The following CDH12 variants were observed in gnomAD, a reference collection of about 807,000 sequenced individuals.
CDH12 encodes the protein cadherin-12.
Under a neutral mutation model 74.1 loss-of-function variants are expected in CDH12, and 41 were observed. The ratio of observed to expected loss-of-function variants is 0.55; its 90% CI spans 0.43 to 0.72. The LOEUF is 0.72. Among genes scored for constraint, CDH12 ranks in the 30% least tolerant of loss-of-function variants. CDH12 has a pLI of 0.00. For missense variants in CDH12, 945 were observed against 977.2 expected (o/e 0.97, Z 0.44); for synonymous variants, 399 against 355.0 (o/e 1.12, Z -1.39).
At position 21,921,847 on chromosome 5, in the gene CDH12, A is replaced by G. The variant is rs190924932; in HGVS notation, c.526+53244T>C. ...ACTGTTCAAAACGTTTTTCTGTGTT[A>G]AACTGCTGGCCTTCCCCTCCTTTGT... On this transcript the variant is annotated intron_variant, in intron 6 of 14. Transcript: ENST00000382254. Among the ~76,000 whole-genome samples the G allele has an allele frequency of 2.0e-5, 3 of 152,312 alleles. No individual in the cohort carries two copies. The East Asian group carries it at 5.8e-4, about 29-fold the overall frequency.
chr5:22,685,672 T>C (rs986871738), intron 1 of CDH12, among the ~76,000 whole-genome samples: 2 of 152,236 alleles, frequency 1.3e-5, no homozygotes, highest in Non-Finnish European at 1.5e-5. Flanking sequence ...CTTTTCTGGC[T>C]GGTTTATTTC....
chr5:22,364,587 A>T (rs1740954376), intron 3 of CDH12, among the ~76,000 whole-genome samples: 1 of 152,166 alleles, frequency 6.6e-6, no homozygotes, highest in South Asian at 2.1e-4. Context: ...AATGGGGTGG[A>T]TCAAAGTATG....
At chr5:21,769,150 T>G (rs1004575032) in intron 11 of CDH12, among the ~76,000 whole-genome samples, 10 of 152,064 alleles carry the variant, frequency 6.6e-5, no homozygotes, top group Admixed American at 6.6e-4. Context: ...GAGAAACTAA[T>G]ATCACGGTAA....
chr5:22,214,342 G>A (rs1467333870), intron 3 of CDH12, among the ~76,000 whole-genome samples: 1 of 152,116 alleles, frequency 6.6e-6, no homozygotes, highest in Non-Finnish European at 1.5e-5. Context: ...TCAGGAGAGG[G>A]AGAACAATTT....
intron 3 of CDH12, among the ~76,000 whole-genome samples, chr5:22,293,017 ACCCACATCCATTCCCAATCTGTAG>A: frequency 3.2e-5 from 2 of 62,224 alleles, no homozygotes; most frequent in Non-Finnish European, 8.9e-5. Context: ...CCAATCTGTA[ACCCACATCCATTCCCAATCTGTAG>A]TCCACATCCA....
At chr5:21,807,747 C>A (rs1747514656) in intron 9 of CDH12, among the ~76,000 whole-genome samples, 1 of 152,008 alleles carries the variant, frequency 6.6e-6, no homozygotes, top group African/African-American at 2.4e-5. Context: ...CCCCAATGAC[C>A]TATACTCTGT....
At chr5:22,784,673 T>G (rs939808155) in intron 1 of CDH12, among the ~76,000 whole-genome samples, 1 of 152,192 alleles carries the variant, frequency 6.6e-6, no homozygotes, top group African/African-American at 2.4e-5. Flanking sequence ...CTAGACCCAA[T>G]ACAGCCTGGT....
intron 9 of CDH12, among the ~76,000 whole-genome samples, chr5:21,810,780 C>T (rs1183795264): frequency 9.2e-5 from 14 of 151,940 alleles, no homozygotes; most frequent in Admixed American, 4.6e-4. Context: ...GGTACATTAG[C>T]GTGGCTAAAA....
chr5:22,069,316 C>T (rs1741782033), intron 5 of CDH12, among the ~76,000 whole-genome samples: 1 of 152,056 alleles, frequency 6.6e-6, no homozygotes, highest in Non-Finnish European at 1.5e-5. Context: ...AGTTACAGTG[C>T]TAGATAGGTG....
At chr5:22,821,914 G>A (rs1280405170) in intron 1 of CDH12, among the ~76,000 whole-genome samples, 2 of 151,324 alleles carry the variant, frequency 1.3e-5, no homozygotes, top group African/African-American at 4.9e-5. Flanking sequence ...AAAAGAGCCT[G>A]CATTGCCAAG....
rs115202718 is a variant in CDH12, at chr5:22,393,586, C to T, written c.-333+11671G>A. 6.0e-3 allele frequency among the ~76,000 whole-genome samples: 907 copies of T among 151,434 alleles called. 14 individuals carry two copies. Among genetic ancestry groups the T allele is most frequent in the African/African-American group, 0.021 (869 of 41,008 alleles). Reference sequence around the variant, plus strand: ...AAAATGTGGCTTTGAAATTTGGTAACGGTTAAAGACTGGAAGAATTTGGAG... The same window carrying T: ...AAAATGTGGCTTTGAAATTTGGTAATGGTTAAAGACTGGAAGAATTTGGAG... On this transcript the variant is annotated intron_variant, in intron 3 of 14. Transcript: ENST00000382254.
Position 21,959,838 on chromosome 5 carries a change from A to G in CDH12, c.526+15253T>C, listed in dbSNP as rs545437127. 5.3e-5 allele frequency among the ~76,000 whole-genome samples: 8 copies of G among 150,462 alleles called. No individual in the cohort carries two copies. The East Asian group carries it at 1.6e-3, about 29-fold the overall frequency. Reference sequence around the variant, plus strand: ...CTACTCGGGAGGCTGAGGCAGGAGAATCACTTGAACCCGGGAGGCGGAGAT... The same window carrying G: ...CTACTCGGGAGGCTGAGGCAGGAGAGTCACTTGAACCCGGGAGGCGGAGAT... On this transcript the variant is annotated intron_variant, in intron 6 of 14. Transcript: ENST00000382254.
At chr5:22,806,568 A>G (rs1238886047) in intron 1 of CDH12, among the ~76,000 whole-genome samples, 1 of 151,666 alleles carries the variant, frequency 6.6e-6, no homozygotes, top group Non-Finnish European at 1.5e-5. Context: ...GTTAGCCAGG[A>G]TGGTCTCGAT....
At chr5:22,581,326 T>C (rs1740093191) in intron 1 of CDH12, among the ~76,000 whole-genome samples, 1 of 152,188 alleles carries the variant, frequency 6.6e-6, no homozygotes, top group Non-Finnish European at 1.5e-5. Flanking sequence ...GGGGCCAATA[T>C]AGAGCTTGGG....
intron 1 of CDH12, among the ~76,000 whole-genome samples, chr5:22,580,008 G>C (rs927408374): frequency 6.6e-6 from 1 of 151,800 alleles, no homozygotes; most frequent in Non-Finnish European, 1.5e-5. Context: ...TTTTTTCCCC[G>C]CTCACATTAA....
intron 1 of CDH12, among the ~76,000 whole-genome samples, chr5:22,565,833 A>G (rs1027885031): frequency 2.0e-5 from 3 of 152,164 alleles, no homozygotes; most frequent in African/African-American, 7.2e-5. Context: ...TTGTTATTTT[A>G]TATGTATTTT....
chr5:21,863,128 C>T (rs915202185), intron 6 of CDH12, among the ~76,000 whole-genome samples: 6 of 152,110 alleles, frequency 3.9e-5, no homozygotes, highest in African/African-American at 9.7e-5. Flanking sequence ...TTCTGAACAG[C>T]GTGACATGAA....
At chr5:22,182,282 C>A (rs1434602740) in intron 4 of CDH12, among the ~76,000 whole-genome samples, 3 of 152,044 alleles carry the variant, frequency 2.0e-5, no homozygotes, top group Non-Finnish European at 4.4e-5. Context: ...TTTCAGTTTG[C>A]AACTTAAAGT....
chr5:22,794,609 C>G lies in CDH12; in HGVS notation c.-523+58449G>C, dbSNP rs116775449. ...AAATGCAATATTCACAGAAAAGGAC[C>G]AAGATTTAGAGAGAATAGAAAAAAA... On this transcript the variant is annotated intron_variant, in intron 1 of 14. Transcript: ENST00000382254. Among the ~76,000 whole-genome samples, 998 of 152,004 alleles carry G rather than the reference C, an allele frequency of 6.6e-3. 10 individuals are homozygous for G. The highest frequency in any genetic ancestry group is 0.023 in the African/African-American group (966 of 41,422).
Sources: gnomAD v4.1 joint callset for allele counts (sites outside exome capture counted in the v4.1 genomes callset) on GRCh38, gnomAD v4.1.1 for gene constraint, MANE v1.5 for transcripts, NCBI Gene and HGNC (gene_info 2026-07-23, HGNC 2026-07-21) for gene names.